Variants in SMARCA2 observed in about 807,000 individuals in gnomAD.
SMARCA2 encodes the protein SWI/SNF-related matrix-associated actin-dependent regulator of chromatin subfamily A member 2.
In SMARCA2, 61 loss-of-function variants were observed where a neutral mutation model predicts 199.8. That is an observed-to-expected ratio of 0.31 (90% CI 0.25 to 0.38). The LOEUF is 0.38. Ranked by LOEUF, SMARCA2 falls within the 10% of genes least tolerant of loss-of-function variation. The probability of loss-of-function intolerance (pLI) is 1.00; values close to 1 mark genes in which losing one functional copy is unlikely to be tolerated. For synonymous variants in SMARCA2, 935 were observed against 732.0 expected, an observed-to-expected ratio of 1.28 and a Z score of -4.48; for missense variants, 1,344 against 2,012.2, an observed-to-expected ratio of 0.67 and a Z score of 6.35.
Position 2,115,763 on chromosome 9 carries a change from G to A in SMARCA2, c.3457-59G>A, listed in dbSNP as rs1170128530. The stretch of plus-strand genomic sequence containing the variant: ...CATATTTCCCTCTGGGGTGGGGTCC[G>A]GTTTTGGATGCCTATGCCAGGCATC... On this transcript the variant is annotated intron_variant, in intron 24 of 33. Coordinates refer to ENST00000349721, the MANE Select transcript of SMARCA2 (RefSeq NM_003070.5). The surrounding 1 kb of genome is among the most constrained non-coding windows in gnomAD (Gnocchi z 6.0). 9 of 1,390,610 alleles carry A rather than the reference G, an allele frequency of 6.5e-6. No homozygotes were observed. The East Asian group carries it at 7.1e-5, about 11-fold the overall frequency. The allele number at this position is 1,390,610 out of a possible 1,614,324, so 86.1% of individuals were successfully genotyped here.
intron 25 of SMARCA2, among the ~76,000 whole-genome samples, chr9:2,118,645 C>G (rs1484163181): frequency 2.0e-5 from 3 of 152,164 alleles, no homozygotes; most frequent in Admixed American, 6.5e-5. Context: ...ATATGCCGAA[C>G]TTTTAGAATC....
At chr9:2,053,579 C>A (rs1820221830) in intron 5 of SMARCA2, among the ~76,000 whole-genome samples, 1 of 152,222 alleles carries the variant, frequency 6.6e-6, no homozygotes, top group South Asian at 2.1e-4. Flanking sequence ...AAGAGAGAGA[C>A]AATTAAATAA....
intron 33 of SMARCA2, 38 bp downstream of exon 33, chr9:2,191,446 C>A: frequency 6.2e-7 from 1 of 1,609,370 alleles, no homozygotes; most frequent in South Asian, 1.1e-5. Flanking sequence ...CGGAGACGCC[C>A]TCTCCCCTGC....
chr9:2,162,238 A>G (rs979926205), intron 28 of SMARCA2, among the ~76,000 whole-genome samples: 1 of 145,854 alleles, frequency 6.9e-6, no homozygotes, highest in Admixed American at 6.7e-5. Context: ...ATGGAGTAAT[A>G]TTATTTTTTT....
chr9:2,064,067 C>A (rs1425419245), intron 9 of SMARCA2, among the ~76,000 whole-genome samples: 3 of 152,118 alleles, frequency 2.0e-5, no homozygotes, highest in Admixed American at 6.6e-5. Context: ...TTTGATGTTA[C>A]AAGATGAATG....
At chr9:2,082,039 T>C (rs2130464966) in intron 15 of SMARCA2, 44 bp downstream of exon 15, 3 of 1,530,382 alleles carry the variant, frequency 2.0e-6, no homozygotes, top group African/African-American at 2.7e-5. Flanking sequence ...CTGTATGTTG[T>C]AGAGTGCCCG....
At chr9:2,087,361 C>A in intron 18 of SMARCA2, 1 of 363,318 alleles carries the variant, frequency 2.8e-6, no homozygotes. Flanking sequence ...TGCAGTGGGC[C>A]ACAGGGAGGA....
chr9:2,146,376 T>C (rs542830805), intron 27 of SMARCA2, among the ~76,000 whole-genome samples: 19 of 152,248 alleles, frequency 1.2e-4, no homozygotes, highest in South Asian at 4.1e-4. Context: ...ATAAGAAATA[T>C]GCGAAATCAG....
chr9:2,052,000 C>T (rs1820138955), intron 5 of SMARCA2, among the ~76,000 whole-genome samples: 3 of 152,104 alleles, frequency 2.0e-5, no homozygotes, highest in South Asian at 4.1e-4. Flanking sequence ...TTAAAAACCA[C>T]GGTAATAATC....
intron 27 of SMARCA2, among the ~76,000 whole-genome samples, chr9:2,131,273 G>T (rs1321864850): frequency 1.3e-5 from 2 of 152,098 alleles, no homozygotes; most frequent in African/African-American, 4.8e-5. Context: ...GTTGTCTCTT[G>T]TTACCTTTCT....
rs1184149897 is a variant in SMARCA2 at position 2,086,906 on chromosome 9, C to T, written c.2604C>T (p.Asn868=). The T allele has an allele frequency of 4.3e-6, 7 of 1,614,184 alleles. No homozygotes were observed. The highest frequency in any genetic ancestry group is 2.7e-5 in the African/African-American group (2 of 75,046). The change falls in exon 18 of 34, where the codon AAC becomes AAT. Residue 868 remains asparagine, a synonymous_variant. Coordinates refer to ENST00000349721, the MANE Select transcript of SMARCA2 (RefSeq NM_003070.5). This position sits in a 1 kb window ranked among gnomAD's most constrained non-coding sequence, Gnocchi z 4.3. ...NHHCKLTQVL[N]THYVAPRRIL... ...ACTGCAAGCTGACTCAGGTCTTGAA[C>T]ACTCACTATGTGGCCCCCAGAAGGA...
intron 28 of SMARCA2, among the ~76,000 whole-genome samples, chr9:2,166,947 A>G (rs747666237): frequency 6.6e-6 from 1 of 152,224 alleles, no homozygotes; most frequent in Non-Finnish European, 1.5e-5. Flanking sequence ...GGCTTTTTCT[A>G]AGAGACCTCC....
chr9:2,187,237 T>C (rs1238300379), intron 32 of SMARCA2, among the ~76,000 whole-genome samples: 2 of 152,184 alleles, frequency 1.3e-5, no homozygotes, highest in Non-Finnish European at 2.9e-5. Context: ...TATTTACCTT[T>C]TAGGATATTA....
intron 27 of SMARCA2, chr9:2,160,270 A>T (rs1290912350): frequency 2.5e-6 from 1 of 397,140 alleles, no homozygotes; most frequent in Non-Finnish European, 4.4e-6. Context: ...CGCCTCCTTC[A>T]TAGTGGTTAT....
chr9:2,182,940 G>A (rs1380644411), intron 31 of SMARCA2, among the ~76,000 whole-genome samples: 2 of 151,630 alleles, frequency 1.3e-5, no homozygotes, highest in East Asian at 1.9e-4. Context: ...ACAGGCATGC[G>A]CCACCACGCC....
chr9:2,166,029 C>G (rs995213023), intron 28 of SMARCA2, among the ~76,000 whole-genome samples: 2 of 152,150 alleles, frequency 1.3e-5, no homozygotes, highest in African/African-American at 4.8e-5. Context: ...TCACCGTTTC[C>G]TACATTAAAA....
chr9:2,077,124 T>A (rs76125742), intron 13 of SMARCA2, among the ~76,000 whole-genome samples: 121 of 152,294 alleles, frequency 7.9e-4, no homozygotes, highest in Non-Finnish European at 1.3e-3. Context: ...GAGTAGCTCA[T>A]GAACAAGGCA....
rs534430206 is a variant in SMARCA2 at position 2,169,002 on chromosome 9, G to C, written c.4200-1417G>C. Reference sequence around the variant, plus strand: ...CTCCCGTCACTCGTGCACATTCGGAGATGACATGGTCTACTTAAGCTTCTG... The same window carrying C: ...CTCCCGTCACTCGTGCACATTCGGACATGACATGGTCTACTTAAGCTTCTG... On this transcript the variant is annotated intron_variant, in intron 28 of 33. Transcript: ENST00000349721. The surrounding 1 kb of genome is among the most constrained non-coding windows in gnomAD (Gnocchi z 6.5). 3.3e-5 allele frequency among the ~76,000 whole-genome samples: 5 copies of C among 152,200 alleles called. No individual in the cohort carries two copies. The South Asian group carries it at 6.2e-4, about 19-fold the overall frequency.
intron 1 of SMARCA2, among the ~76,000 whole-genome samples, chr9:2,024,101 T>C (rs946148812): frequency 6.6e-6 from 1 of 152,230 alleles, no homozygotes; most frequent in East Asian, 1.9e-4. Context: ...TGCTTTCTTA[T>C]GAAGTTTGGT....
Sources: gnomAD v4.1 joint callset for allele counts (sites outside exome capture counted in the v4.1 genomes callset) on GRCh38, gnomAD v4.1.1 for gene constraint, Gnocchi (gnomAD v3.1) non-coding constraint, MANE v1.5 for transcripts, NCBI Gene and HGNC (gene_info 2026-07-23, HGNC 2026-07-21) for gene names.